CSMD1: variants seen among roughly 807,000 people sequenced by gnomAD.
The protein encoded by CSMD1 is CUB and Sushi multiple domains 1.
Under a neutral mutation model 417.5 loss-of-function variants are expected in CSMD1, and 213 were observed. The ratio of observed to expected loss-of-function variants is 0.51; its 90% CI spans 0.46 to 0.57. CSMD1 has a LOEUF of 0.57. CSMD1 is among the 20% of genes least tolerant of loss of function. The probability of loss-of-function intolerance (pLI) is 0.00; values close to 1 mark genes in which losing one functional copy is unlikely to be tolerated. For missense variants in CSMD1, 6,923 were observed against 4,529.7 expected, an observed-to-expected ratio of 1.53 and a Z score of -15.17; for synonymous variants, 2,862 against 1,736.8, an observed-to-expected ratio of 1.65 and a Z score of -16.11.
intron 3 of CSMD1, among the ~76,000 whole-genome samples, chr8:4,061,297 T>C (rs749404724): frequency 9.2e-5 from 14 of 152,132 alleles, no homozygotes; most frequent in Non-Finnish European, 1.9e-4. Context: ...GTACATCTTA[T>C]CATACAAGAA....
At chr8:3,775,841 G>A (rs1048486235) in intron 5 of CSMD1, among the ~76,000 whole-genome samples, 1 of 152,216 alleles carries the variant, frequency 6.6e-6, no homozygotes, top group Admixed American at 6.5e-5. Flanking sequence ...AACGCGCAGG[G>A]TTGTTACTGA....
At chr8:3,564,463 G>A (rs1452883133) in intron 10 of CSMD1, among the ~76,000 whole-genome samples, 1 of 151,248 alleles carries the variant, frequency 6.6e-6, no homozygotes, top group African/African-American at 2.4e-5. Context: ...AACACTTTAC[G>A]TTGTACACTG....
chr8:3,522,109 C>T (rs1797534131), intron 10 of CSMD1, among the ~76,000 whole-genome samples: 1 of 152,030 alleles, frequency 6.6e-6, no homozygotes, highest in African/African-American at 2.4e-5. Flanking sequence ...CTTTTTTTAA[C>T]CCTCAATTCT....
intron 1 of CSMD1, among the ~76,000 whole-genome samples, chr8:4,720,213 A>G (rs910953421): frequency 6.6e-6 from 1 of 151,364 alleles, no homozygotes; most frequent in Non-Finnish European, 1.5e-5. Flanking sequence ...TTGTTCCTTG[A>G]TGTTTCTTAG....
intron 49 of CSMD1, among the ~76,000 whole-genome samples, chr8:3,059,358 C>A (rs1245213001): frequency 8.7e-6 from 1 of 115,186 alleles, no homozygotes; most frequent in Non-Finnish European, 2.1e-5. Flanking sequence ...CCCTGCACAA[C>A]TTTTTCTCTG....
At chr8:2,941,385 T>C (rs1422790332) in intron 69 of CSMD1, among the ~76,000 whole-genome samples, 4 of 152,252 alleles carry the variant, frequency 2.6e-5, no homozygotes, top group African/African-American at 9.6e-5. Context: ...AAGTGAAATA[T>C]CTGTATTATG....
intron 1 of CSMD1, among the ~76,000 whole-genome samples, chr8:4,734,822 A>T (rs1810124633): frequency 6.6e-6 from 1 of 152,118 alleles, no homozygotes; most frequent in South Asian, 2.1e-4. Flanking sequence ...GGGTATTTTC[A>T]GTCTTGGCTC....
At chr8:3,502,107 C>T (rs546256861) in intron 10 of CSMD1, among the ~76,000 whole-genome samples, 1 of 152,054 alleles carries the variant, frequency 6.6e-6, no homozygotes, top group Non-Finnish European at 1.5e-5. Flanking sequence ...TATGTCCACA[C>T]AAATCCCAGC....
intron 1 of CSMD1, among the ~76,000 whole-genome samples, chr8:4,687,019 C>T (rs1243832055): frequency 6.6e-6 from 1 of 152,170 alleles, no homozygotes; most frequent in East Asian, 1.9e-4. Context: ...ATGGCACCAG[C>T]CAGCGAACTC....
At chr8:3,711,821 T>C (rs1277004463) in intron 6 of CSMD1, among the ~76,000 whole-genome samples, 1 of 152,066 alleles carries the variant, frequency 6.6e-6, no homozygotes, top group Non-Finnish European at 1.5e-5. Flanking sequence ...GCACAATAAA[T>C]AACAAATAAG....
At chr8:4,706,737 C>G (rs1033224982) in intron 1 of CSMD1, among the ~76,000 whole-genome samples, 1 of 152,084 alleles carries the variant, frequency 6.6e-6, no homozygotes, top group Non-Finnish European at 1.5e-5. Context: ...GCCGGGGAGG[C>G]AGAGGGTCAG....
chr8:3,042,775 A>C (rs2128984600), intron 50 of CSMD1, among the ~76,000 whole-genome samples: 1 of 152,158 alleles, frequency 6.6e-6, no homozygotes, highest in East Asian at 1.9e-4. Flanking sequence ...CATAGACATA[A>C]CCTTAGTTTT....
At chr8:4,236,035 GTTTGTTTTTTTTTTT>G (rs1802030846) in intron 3 of CSMD1, among the ~76,000 whole-genome samples, 2 of 112,614 alleles carry the variant, frequency 1.8e-5, no homozygotes, top group African/African-American at 7.8e-5. Context: ...TGTTTTTTTT[GTTTGTTTTTTTTTTT>G]TTTTTTTTTT....
At chr8:4,048,130 G>T (rs950392875) in intron 3 of CSMD1, among the ~76,000 whole-genome samples, 3 of 152,116 alleles carry the variant, frequency 2.0e-5, no homozygotes, top group African/African-American at 7.2e-5. Flanking sequence ...AAACATACTT[G>T]CCTAAGGTGA....
intron 2 of CSMD1, among the ~76,000 whole-genome samples, chr8:4,472,475 G>T (rs1462563960): frequency 6.6e-6 from 1 of 151,988 alleles, no homozygotes; most frequent in African/African-American, 2.4e-5. Flanking sequence ...AATAAAATGA[G>T]AGGGACCCGG....
In CSMD1 at chr8:3,670,729, T is replaced by A. The variant is rs114526322; in HGVS notation, c.1009+37685A>T. On this transcript the variant is annotated intron_variant, in intron 7 of 69. Coordinates refer to ENST00000635120, the MANE Select transcript of CSMD1 (RefSeq NM_033225.6). The stretch of plus-strand genomic sequence containing the variant: ...GATATATATGTATATGGGATATACA[T>A]GTATGGGATGTATGTATATGGGATA... 1.7e-3 allele frequency among the ~76,000 whole-genome samples: 260 copies of A among 149,138 alleles called. 2 individuals are homozygous for A. The highest frequency in any genetic ancestry group is 6.1e-3 in the African/African-American group (247 of 40,702).
chr8:4,393,717 C>A (rs1243066395), intron 3 of CSMD1, among the ~76,000 whole-genome samples: 1 of 152,172 alleles, frequency 6.6e-6, no homozygotes, highest in Non-Finnish European at 1.5e-5. Context: ...AGGAGCAGAC[C>A]TTGAAAATCT....
At chr8:4,644,656 G>T (rs374317415) in intron 1 of CSMD1, among the ~76,000 whole-genome samples, 7 of 152,314 alleles carry the variant, frequency 4.6e-5, no homozygotes, top group Admixed American at 2.6e-4. Flanking sequence ...TGATGGCCTC[G>T]CCTCAGCCTC....
At chr8:3,770,071 C>G (rs1467405584) in intron 5 of CSMD1, among the ~76,000 whole-genome samples, 2 of 152,206 alleles carry the variant, frequency 1.3e-5, no homozygotes, top group Admixed American at 6.5e-5. Flanking sequence ...GCTTGCGTCT[C>G]TATTTCCAGA....
Sources: gnomAD v4.1 joint callset for allele counts (sites outside exome capture counted in the v4.1 genomes callset) on GRCh38, gnomAD v4.1.1 for gene constraint, MANE v1.5 for transcripts, NCBI Gene and HGNC (gene_info 2026-07-23, HGNC 2026-07-21) for gene names.